TMPRSS11B: variants seen among roughly 807,000 people sequenced by gnomAD.
TMPRSS11B encodes the protein transmembrane protease serine 11B.
In TMPRSS11B, 53 loss-of-function variants were observed where a neutral mutation model predicts 44.7. The ratio of observed to expected loss-of-function variants is 1.19; its 90% CI spans 0.95 to 1.49. TMPRSS11B has a LOEUF of 1.49. Ranked by LOEUF, TMPRSS11B falls within the 40% of genes most tolerant of loss-of-function variation. The probability of loss-of-function intolerance (pLI) is 0.00; values close to 1 mark genes in which losing one functional copy is unlikely to be tolerated. For missense variants in TMPRSS11B, 526 were observed against 494.8 expected (o/e 1.06, Z -0.60); for synonymous variants, 140 against 159.2 (o/e 0.88, Z 0.91).
Position 68,241,754 on chromosome 4 carries a change from A to G in TMPRSS11B, c.59T>C (p.Ile20Thr), listed in dbSNP as rs752648653. 4 of 1,613,528 alleles carry G rather than the reference A, an allele frequency of 2.5e-6. No homozygotes were observed. Among genetic ancestry groups the G allele is most frequent in the Non-Finnish European group, 3.4e-6 (4 of 1,179,604 alleles). Residue 20 changes from isoleucine (I) to threonine (T), a missense_variant, in exon 2 of 10, where the codon ATT (isoleucine) becomes ACT (threonine). Coordinates refer to ENST00000332644, the MANE Select transcript of TMPRSS11B (RefSeq NM_182502.3). ...RSWPLWTTIF[I>T]FLGVAAILGV... is the part of the protein sequence containing the mutation. ...CAAGATTGCCGCCACTCCAAGAAAA[A>G]TAAAGATCGTAGTCCATAGTGGCCA...
intron 5 of TMPRSS11B, 32 bp from the exon 6 acceptor site, chr4:68,232,448 T>C (rs546971177): frequency 6.2e-7 from 1 of 1,601,684 alleles, no homozygotes; most frequent in South Asian, 1.1e-5. Flanking sequence ...AAATATAAAA[T>C]TGAGCAAATA....
rs1478990326 is a variant in TMPRSS11B, at chr4:68,227,945, T to C, written c.1217A>G (p.Tyr406Cys). 1 of 1,612,836 alleles carries C rather than the reference T, an allele frequency of 6.2e-7. No homozygotes were observed. The highest frequency in any genetic ancestry group is 8.5e-7 in the Non-Finnish European group (1 of 1,179,648). The change falls in exon 10 of 10, where the codon TAT becomes TGT. Residue 406 changes from tyrosine (Y) to cysteine (C), a missense_variant. Coordinates refer to ENST00000332644, the MANE Select transcript of TMPRSS11B (RefSeq NM_182502.3). ...KPGVYTRVTS[Y>C]RNWITSKTGL ...AGTCTTGGATGTAATCCAATTGCGA[T>C]AAGAAGTCACTCGAGTATAGACACC...
In TMPRSS11B at chr4:68,227,300, A is replaced by G. The variant is rs2109952657; in HGVS notation, c.*611T>C. ...AAAATTTATATTTTATTTTCTTTTG[A>G]TTCTGGAAAACAAATTAAGGTCAAT... On this transcript the variant is annotated 3_prime_UTR_variant, in exon 10 of 10. Transcript: ENST00000332644. The G allele has an allele frequency of 6.6e-6, 1 of 151,926 alleles. No individual in the cohort carries two copies. The highest frequency in any genetic ancestry group is 1.9e-4 in the East Asian group (1 of 5,168). The allele number at this position is 151,926 out of a possible 1,614,324, so 9.4% of individuals were successfully genotyped here.
At position 68,227,880 on chromosome 4, in the gene TMPRSS11B, C is replaced by T; in HGVS notation, c.*31G>A. The T allele has an allele frequency of 6.4e-7, 1 of 1,551,116 alleles. No individual in the cohort carries two copies. The highest frequency in any genetic ancestry group is 2.0e-5 in the Admixed American group (1 of 49,936). ...ACAGATAAGGATAGCCTACAGTGGT[C>T]TTTATGTTCCTTTGTATAATTCCTT... On this transcript the variant is annotated 3_prime_UTR_variant, in exon 10 of 10. Coordinates refer to ENST00000332644, the MANE Select transcript of TMPRSS11B (RefSeq NM_182502.3).
chr4:68,241,699 A>G lies in TMPRSS11B; in HGVS notation c.114T>C (p.Phe38=). 3 of 1,610,396 alleles carry G rather than the reference A, an allele frequency of 1.9e-6. No individual in the cohort carries two copies. Among genetic ancestry groups the G allele is most frequent in the Non-Finnish European group, 2.5e-6 (3 of 1,176,866 alleles). The part of the protein sequence containing the change: ...LGVTIGLLVH[F]LAVEKTYYYQ... ...ATAATCAGTACTCACCAACTGCCAG[A>G]AAATGAACAAGAAGACCAATGGTTA... Residue 38 remains phenylalanine, a synonymous_variant, in exon 2 of 10, where the codon TTT becomes TTC. Coordinates refer to ENST00000332644, the MANE Select transcript of TMPRSS11B (RefSeq NM_182502.3).
chr4:68,232,699 G>A (rs1446978920), intron 5 of TMPRSS11B, among the ~76,000 whole-genome samples: 1 of 152,008 alleles, frequency 6.6e-6, no homozygotes, highest in East Asian at 1.9e-4. Flanking sequence ...TAAGAAGCTG[G>A]CACCCTTACA....
chr4:68,240,148 T>C (rs1719784076), intron 2 of TMPRSS11B, among the ~76,000 whole-genome samples: 1 of 152,150 alleles, frequency 6.6e-6, no homozygotes. Flanking sequence ...AAATGAGGGA[T>C]TACAATAGCT....
chr4:68,243,225 C>G (rs1421719200), intron 1 of TMPRSS11B, among the ~76,000 whole-genome samples: 3 of 152,168 alleles, frequency 2.0e-5, no homozygotes, highest in Non-Finnish European at 2.9e-5. Flanking sequence ...CCTTGCAAAA[C>G]AGAAGAGTTT....
intron 2 of TMPRSS11B, among the ~76,000 whole-genome samples, chr4:68,236,772 C>A (rs902312059): frequency 3.9e-5 from 6 of 152,032 alleles, no homozygotes; most frequent in African/African-American, 1.4e-4. Flanking sequence ...TCTTTCTAAG[C>A]AATTCTAATA....
intron 2 of TMPRSS11B, among the ~76,000 whole-genome samples, chr4:68,238,113 A>T (rs1719725280): frequency 6.6e-6 from 1 of 152,208 alleles, no homozygotes; most frequent in East Asian, 1.9e-4. Context: ...TGTGCTTTTG[A>T]TCCACCTTTA....
At chr4:68,241,023 G>A (rs957892040) in intron 2 of TMPRSS11B, among the ~76,000 whole-genome samples, 1 of 152,128 alleles carries the variant, frequency 6.6e-6, no homozygotes, top group African/African-American at 2.4e-5. Flanking sequence ...TGTACTGTAT[G>A]TGAAAATAAG....
intron 1 of TMPRSS11B, among the ~76,000 whole-genome samples, chr4:68,242,220 T>TAA (rs1241544951): frequency 0.01 from 63 of 6,092 alleles, 3 homozygotes; most frequent in African/African-American, 0.019. Flanking sequence ...ATATATAATA[T>TAA]TATATTATAT....
chr4:68,228,453 G>T (rs1002359299), intron 9 of TMPRSS11B, among the ~76,000 whole-genome samples: 1 of 152,164 alleles, frequency 6.6e-6, no homozygotes, highest in African/African-American at 2.4e-5. Context: ...TTCTAGGTCT[G>T]CAGGTTGCCC....
chr4:68,229,396 A>G lies in TMPRSS11B; in HGVS notation c.807T>C (p.Asp269=). Residue 269 remains aspartate (D), a synonymous_variant, in exon 8 of 10, where the codon GAT becomes GAC. Transcript: ENST00000332644. ...HENYSSPGLH[D]DIALVQLAEE... is the part of the protein sequence containing the mutation. Reference sequence around the variant, plus strand: ...CAGCAAGCTGCACAAGGGCAATATCATCATGAAGCCCAGGACTGCTATAAT... The same window carrying G: ...CAGCAAGCTGCACAAGGGCAATATCGTCATGAAGCCCAGGACTGCTATAAT... The G allele has an allele frequency of 6.2e-7, 1 of 1,613,974 alleles. No individual in the cohort carries two copies. The highest frequency in any genetic ancestry group is 8.5e-7 in the Non-Finnish European group (1 of 1,179,862).
At chr4:68,229,671 T>C in intron 7 of TMPRSS11B, 155 bp from the exon 8 acceptor site, 1 of 622,218 alleles carries the variant, frequency 1.6e-6, no homozygotes, top group South Asian at 2.7e-5. Flanking sequence ...CATGGAGCTG[T>C]TGTAAATGTT....
chr4:68,239,497 C>T lies in TMPRSS11B; in HGVS notation c.124+2192G>A, dbSNP rs530185245. On this transcript the variant is annotated intron_variant, in intron 2 of 9. Coordinates refer to ENST00000332644, the MANE Select transcript of TMPRSS11B (RefSeq NM_182502.3). ...AAAAATGTCTGTTGTTTAACCTAGC[C>T]AGTCTGTGGATTTTGATATGGCAGA... Among the ~76,000 whole-genome samples, 7 of 152,292 alleles carry T rather than the reference C, an allele frequency of 4.6e-5. 2 individuals are homozygous for T. Among genetic ancestry groups the T allele is most frequent in the African/African-American group, 1.7e-4 (7 of 41,558 alleles).
chr4:68,236,531 T>C (rs958427233), intron 2 of TMPRSS11B, among the ~76,000 whole-genome samples: 6 of 151,734 alleles, frequency 4.0e-5, no homozygotes, highest in Non-Finnish European at 7.4e-5. Context: ...AGGAGAGGAG[T>C]GAACAATTGT....
In TMPRSS11B at chr4:68,241,749, GA is replaced by G; in HGVS notation, c.63del (p.Gly23GlufsTer8). The part of the protein sequence containing the change: ...SWPLWTTIFI[F>X]LGVAAILGVT... ...ACTCCCAAGATTGCCGCCACTCCAA[GA>G]AAAATAAAGATCGTAGTCCATAGTG... On this transcript the variant is annotated frameshift_variant, in exon 2 of 10. Coordinates refer to ENST00000332644, the MANE Select transcript of TMPRSS11B (RefSeq NM_182502.3). LOFTEE classifies it high-confidence loss of function. 1 of 1,613,110 alleles carries G rather than the reference GA, an allele frequency of 6.2e-7. No individual in the cohort carries two copies. Among genetic ancestry groups the G allele is most frequent in the South Asian group, 1.1e-5 (1 of 91,040 alleles).
intron 5 of TMPRSS11B, among the ~76,000 whole-genome samples, chr4:68,233,159 A>C (rs865922222): frequency 6.6e-6 from 1 of 152,214 alleles, no homozygotes; most frequent in Middle Eastern, 3.4e-3. Context: ...GGACACAGAA[A>C]GAGAGTAAAC....
Sources: gnomAD v4.1 joint callset for allele counts (sites outside exome capture counted in the v4.1 genomes callset) on GRCh38, gnomAD v4.1.1 for gene constraint, MANE v1.5 for transcripts, NCBI Gene and HGNC (gene_info 2026-07-23, HGNC 2026-07-21) for gene names.